Variants in NDST3 observed in about 807,000 individuals in gnomAD.
The protein encoded by NDST3 is bifunctional heparan sulfate N-deacetylase/N-sulfotransferase 3.
NDST3 carries 58 observed loss-of-function variants against 96.1 expected under a neutral mutation model. The observed-to-expected ratio is 0.60, with a 90% CI of 0.49 to 0.75. The LOEUF (loss-of-function observed/expected upper bound fraction) is 0.75. NDST3 is among the 30% of genes least tolerant of loss of function. The pLI is 0.00. For synonymous variants in NDST3, 333 were observed against 359.7 expected (o/e 0.93, Z 0.84); for missense variants, 788 against 1,034.2 (o/e 0.76, Z 3.27).
In NDST3 at chr4:118,172,625, G is replaced by T. The variant is rs138241632; in HGVS notation, c.1539+28941G>T. 3.6e-3 allele frequency among the ~76,000 whole-genome samples: 553 copies of T among 151,988 alleles called. 1 individual carries two copies. Among genetic ancestry groups the T allele is most frequent in the African/African-American group, 0.013 (539 of 41,468 alleles). On this transcript the variant is annotated intron_variant, in intron 6 of 13. Coordinates refer to ENST00000296499, the MANE Select transcript of NDST3 (RefSeq NM_004784.3). ...TGGATCTTTGAATGTTGAGGATTGG[G>T]CATATTTTTCTTTCTGCTCTTCCAT...
chr4:118,174,758 T>C lies in NDST3; in HGVS notation c.1539+31074T>C, dbSNP rs186197815. 3.0e-3 allele frequency among the ~76,000 whole-genome samples: 454 copies of C among 152,298 alleles called. 3 individuals carry two copies. The highest frequency in any genetic ancestry group is 5.2e-3 in the Non-Finnish European group (351 of 68,012). ...TTACTTCTCCTTGACTCTTTGAGCCTAGAAAGAATTTTCTCTGTAGTTGCT... is the reference window on the plus strand; with the variant it reads ...TTACTTCTCCTTGACTCTTTGAGCCCAGAAAGAATTTTCTCTGTAGTTGCT... On this transcript the variant is annotated intron_variant, in intron 6 of 13. Transcript: ENST00000296499.
intron 10 of NDST3, among the ~76,000 whole-genome samples, chr4:118,239,411 A>C (rs1019984178): frequency 6.6e-6 from 1 of 152,184 alleles, no homozygotes; most frequent in African/African-American, 2.4e-5. Context: ...GAAAGCTAAG[A>C]TCCATAAAAA....
rs78918841 is a variant in NDST3 at position 118,087,301 on chromosome 4, C to G, written c.982-17717C>G. Among the ~76,000 whole-genome samples, 723 of 152,202 alleles carry G rather than the reference C, an allele frequency of 4.8e-3. 7 individuals carry two copies. The highest frequency in any genetic ancestry group is 0.017 in the African/African-American group (692 of 41,538). On this transcript the variant is annotated intron_variant, in intron 2 of 13. Transcript: ENST00000296499. ...GTAATTGCTTATAATTCTCAAAAAG[C>G]TTTTACATATCATCTCATTTGAGTT...
At chr4:118,205,072 C>A in intron 6 of NDST3, among the ~76,000 whole-genome samples, 1 of 144,162 alleles carries the variant, frequency 6.9e-6, no homozygotes, top group East Asian at 2.0e-4. Context: ...AATTTCTTTT[C>A]ATTTTAATAA....
chr4:118,147,702 T>C (rs1351235803), intron 6 of NDST3, among the ~76,000 whole-genome samples: 1 of 152,200 alleles, frequency 6.6e-6, no homozygotes, highest in Non-Finnish European at 1.5e-5. Flanking sequence ...GAAGATGCAG[T>C]AATAGTTAAT....
Position 118,207,640 on chromosome 4 carries a change from G to C in NDST3, c.1540-16851G>C, listed in dbSNP as rs144084292. The stretch of plus-strand genomic sequence containing the variant: ...GTATAGACAATTGCCTTCACAGCTG[G>C]AAGTGCCCTCTTCCTCCCTCACCAG... On this transcript the variant is annotated intron_variant, in intron 6 of 13. Transcript: ENST00000296499. Among the ~76,000 whole-genome samples the C allele has an allele frequency of 4.8e-5, 7 of 144,656 alleles. 1 individual carries two copies. Among genetic ancestry groups the C allele is most frequent in the Non-Finnish European group, 1.5e-5 (1 of 65,202 alleles). The allele number at this position is 144,656 out of a possible 152,430, so 94.9% of individuals were successfully genotyped here. A position where few individuals can be genotyped will look rare whatever the true frequency, so the allele number is the denominator to read the frequency against.
chr4:118,058,806 A>G (rs1361749982), intron 2 of NDST3, among the ~76,000 whole-genome samples: 1 of 152,078 alleles, frequency 6.6e-6, no homozygotes, highest in Admixed American at 6.6e-5. Flanking sequence ...AGCTTCTACC[A>G]TTAAAGCATT....
Position 118,255,839 on chromosome 4 carries a change from T to A in NDST3, c.*127T>A, listed in dbSNP as rs1032757900. 6 of 1,102,336 alleles carry A rather than the reference T, an allele frequency of 5.4e-6. No individual in the cohort carries two copies. Among genetic ancestry groups the A allele is most frequent in the Non-Finnish European group, 7.5e-6 (6 of 799,770 alleles). The allele number at this position is 1,102,336 out of a possible 1,614,324, so 68.3% of individuals were successfully genotyped here. A position where few individuals can be genotyped will look rare whatever the true frequency, so the allele number is the denominator to read the frequency against. ...TGAGAAAAAAGAACAGTTTCTTCCA[T>A]GTGCTGGCACGTGGATGATTAGAAA... On this transcript the variant is annotated 3_prime_UTR_variant, in exon 14 of 14. Transcript: ENST00000296499.
chr4:118,243,217 T>C (rs1454962115), intron 12 of NDST3, among the ~76,000 whole-genome samples: 1 of 152,142 alleles, frequency 6.6e-6, no homozygotes, highest in Non-Finnish European at 1.5e-5. Flanking sequence ...TTTTTTGTAC[T>C]CTTTAATATC....
At chr4:118,088,738 G>A (rs1233424917) in intron 2 of NDST3, among the ~76,000 whole-genome samples, 1 of 152,012 alleles carries the variant, frequency 6.6e-6, no homozygotes, top group East Asian at 1.9e-4. Context: ...CTAAGCCAGT[G>A]TGCGTATTTT....
intron 2 of NDST3, among the ~76,000 whole-genome samples, chr4:118,056,009 GA>G (rs1451160188): frequency 6.6e-6 from 1 of 151,846 alleles, no homozygotes; most frequent in Non-Finnish European, 1.5e-5. Flanking sequence ...TAGCTAAACA[GA>G]AATTAATAAA....
chr4:118,143,492 T>C (rs1464812038), intron 5 of NDST3, 64 bp from the exon 6 acceptor site: 1 of 1,548,278 alleles, frequency 6.5e-7, no homozygotes, highest in African/African-American at 1.4e-5. Context: ...AGCAAAAAGC[T>C]AAGTTTCAAC....
At chr4:118,148,709 T>C (rs1578728046) in intron 6 of NDST3, among the ~76,000 whole-genome samples, 1 of 152,216 alleles carries the variant, frequency 6.6e-6, no homozygotes, top group Admixed American at 6.5e-5. Context: ...ACTGTAATTT[T>C]ATATGTGTAT....
Position 118,053,900 on chromosome 4 carries a change from G to A in NDST3, c.-11G>A. ...GCTTCTGTTGGCATAGTTGGGGAAA[G>A]CACCTACAACATGAGTTTTATCATG... is the stretch of plus-strand genomic sequence containing the variant. On this transcript the variant is annotated 5_prime_UTR_variant, in exon 2 of 14. Transcript: ENST00000296499. The A allele has an allele frequency of 6.3e-7, 1 of 1,576,126 alleles. No homozygotes were observed. The highest frequency in any genetic ancestry group is 8.6e-7 in the Non-Finnish European group (1 of 1,160,942).
chr4:118,241,959 A>AT, intron 11 of NDST3, 81 bp from the exon 12 acceptor site: 2 of 930,458 alleles, frequency 2.1e-6, no homozygotes, highest in South Asian at 1.5e-5. Context: ...CTCTCACTGA[A>AT]TGAGTTTAGA....
intron 1 of NDST3, among the ~76,000 whole-genome samples, chr4:118,040,863 ATT>A (rs34916324): frequency 0.36 from 27,616 of 76,672 alleles, 3,104 homozygotes; most frequent in South Asian, 0.54. Flanking sequence ...ATATTTATAT[ATT>A]TTTATATATA....
rs1343827 is a variant in NDST3, at chr4:118,063,971, T to C, written c.981+9080T>C. On this transcript the variant is annotated intron_variant, in intron 2 of 13. Coordinates refer to ENST00000296499, the MANE Select transcript of NDST3 (RefSeq NM_004784.3). ...TTATGGTAAATTACATCCTATCAGATTCTGTTATAGTTTGATGGGTTGTAT... is the reference window on the plus strand; with the variant it reads ...TTATGGTAAATTACATCCTATCAGACTCTGTTATAGTTTGATGGGTTGTAT... Among the ~76,000 whole-genome samples, 18 of 152,260 alleles carry C rather than the reference T, an allele frequency of 1.2e-4. No individual in the cohort carries two copies. The South Asian group carries it at 3.5e-3, about 30-fold the overall frequency.
chr4:118,194,494 G>C lies in NDST3; in HGVS notation c.1540-29997G>C, dbSNP rs28740899. The C allele has an allele frequency of 3.8e-3, 2,755 of 721,442 alleles. 48 individuals are homozygous for C. In the African/African-American group the frequency reaches 0.041, roughly 11 times the overall value. 44.7% of individuals were successfully genotyped at this position (721,442 alleles called of 1,614,324 possible). A position where few individuals can be genotyped will look rare whatever the true frequency, so the allele number is the denominator to read the frequency against. ...CTGCTATGGCAATGTCCCAAGCCTT[G>C]TTGACCTCCCCTTTTCCCAGGTCAA... On this transcript the variant is annotated intron_variant, in intron 6 of 13. Coordinates refer to ENST00000296499, the MANE Select transcript of NDST3 (RefSeq NM_004784.3).
chr4:118,045,557 A>C (rs557970337), intron 1 of NDST3, among the ~76,000 whole-genome samples: 2 of 152,366 alleles, frequency 1.3e-5, no homozygotes, highest in East Asian at 3.8e-4. Context: ...TAACACATTT[A>C]TCCTGTAAAT....
Sources: gnomAD v4.1 joint callset for allele counts (sites outside exome capture counted in the v4.1 genomes callset) on GRCh38, gnomAD v4.1.1 for gene constraint, MANE v1.5 for transcripts, NCBI Gene and HGNC (gene_info 2026-07-23, HGNC 2026-07-21) for gene names.